The following F11R variants were observed in gnomAD, a reference collection of about 807,000 sequenced individuals.
F11R encodes F11 receptor, also known as junctional adhesion molecule A.
A neutral mutation model predicts 39.3 loss-of-function variants in F11R; 27 were observed. The ratio of observed to expected loss-of-function variants is 0.69; its 90% confidence interval spans 0.51 to 0.95. F11R has a LOEUF of 0.95. F11R is among the 40% of genes least tolerant of loss of function. F11R has a pLI of 0.00. For missense variants in F11R, 335 were observed against 372.7 expected, an observed-to-expected ratio of 0.90 and a Z score of 0.83; for synonymous variants, 131 against 144.9, an observed-to-expected ratio of 0.90 and a Z score of 0.69.
chr1:161,009,646 T>C (rs1649017413), intron 1 of F11R, among the ~76,000 whole-genome samples: 1 of 152,174 alleles, frequency 6.6e-6, no homozygotes, highest in East Asian at 1.9e-4. Flanking sequence ...CTACTTACAT[T>C]GTGACTGAGG....
chr1:161,007,453 G>C (rs1206888504), intron 1 of F11R, among the ~76,000 whole-genome samples: 1 of 150,530 alleles, frequency 6.6e-6, no homozygotes, highest in Admixed American at 6.6e-5. Flanking sequence ...CAACAAGGGA[G>C]AAACTCTGTC....
chr1:161,004,815 T>A (rs993704940), intron 1 of F11R, among the ~76,000 whole-genome samples: 2 of 152,152 alleles, frequency 1.3e-5, no homozygotes, highest in Admixed American at 6.5e-5. Flanking sequence ...TATTATTTTA[T>A]TTATATATTT....
Position 160,998,691 on chromosome 1 carries a change from G to C in F11R, c.*180C>G. On this transcript the variant is annotated 3_prime_UTR_variant, in exon 10 of 10. Coordinates refer to ENST00000368026, the MANE Select transcript of F11R (RefSeq NM_016946.6). ...CAGCAGTGGTAGGAAAGGGAGGGAG[G>C]GCATGAAGGAGGATGGGGCACATAG... 1.6e-6 allele frequency: 1 copy of C among 630,198 alleles called. No individual in the cohort carries two copies. Among genetic ancestry groups the C allele is most frequent in the South Asian group, 2.0e-5 (1 of 51,254 alleles). The allele number at this position is 630,198 out of a possible 1,614,324, so 39.0% of individuals were successfully genotyped here. A position where few individuals can be genotyped will look rare whatever the true frequency, so the allele number is the denominator to read the frequency against.
intron 1 of F11R, among the ~76,000 whole-genome samples, chr1:161,014,516 C>A (rs1443145057): frequency 6.6e-6 from 1 of 152,162 alleles, no homozygotes; most frequent in Non-Finnish European, 1.5e-5. Flanking sequence ...CCAGCCTGTA[C>A]AACAGATGAG....
chr1:161,013,271 G>A (rs560679770), intron 1 of F11R, among the ~76,000 whole-genome samples: 2 of 152,300 alleles, frequency 1.3e-5, no homozygotes, highest in Admixed American at 1.3e-4. Flanking sequence ...CCAGTTGCCA[G>A]GGAGCTGGAG....
intron 1 of F11R, among the ~76,000 whole-genome samples, chr1:161,015,323 G>T (rs542297023): frequency 2.7e-5 from 4 of 150,062 alleles, no homozygotes; most frequent in Non-Finnish European, 4.4e-5. Context: ...GCGTGAACCC[G>T]CGAGGCGGAG....
chr1:160,998,700 G>A lies in F11R; in HGVS notation c.*171C>T. ...TAGGAAAGGGAGGGAGGGCATGAAG[G>A]AGGATGGGGCACATAGCTGACATTA... On this transcript the variant is annotated 3_prime_UTR_variant, in exon 10 of 10. Transcript: ENST00000368026. 1 of 644,214 alleles carries A rather than the reference G, an allele frequency of 1.6e-6. No homozygotes were observed. The highest frequency in any genetic ancestry group is 2.8e-6 in the Non-Finnish European group (1 of 360,194). 39.9% of individuals were successfully genotyped at this position (644,214 alleles called of 1,614,324 possible).
chr1:160,995,352 CT>C lies in F11R; in HGVS notation c.*3518del, dbSNP rs1648056756. The C allele has an allele frequency of 6.6e-6, 1 of 152,324 alleles. No individual in the cohort carries two copies. Among genetic ancestry groups the C allele is most frequent in the Non-Finnish European group, 1.5e-5 (1 of 68,048 alleles). The allele number at this position is 152,324 out of a possible 1,614,324, so 9.4% of individuals were successfully genotyped here. ...CCGTTTTCCTCCACTATCCCCTCCC[CT>C]GTCCTTGATCTGTAGATCCTGTTAA... On this transcript the variant is annotated 3_prime_UTR_variant, in exon 10 of 10. Coordinates refer to ENST00000368026, the MANE Select transcript of F11R (RefSeq NM_016946.6).
chr1:161,007,640 A>G (rs1648901087), intron 1 of F11R, among the ~76,000 whole-genome samples: 3 of 152,222 alleles, frequency 2.0e-5, no homozygotes, highest in African/African-American at 7.2e-5. Context: ...GTACAAATAA[A>G]GTGCTTAGAG....
intron 1 of F11R, among the ~76,000 whole-genome samples, chr1:161,017,452 T>C (rs573989415): frequency 4.6e-5 from 7 of 152,366 alleles, no homozygotes; most frequent in Admixed American, 6.5e-5. Flanking sequence ...GGCAGCAATA[T>C]TGCTTTGTAA....
In F11R at chr1:161,000,292, C is replaced by T. The variant is rs772284113; in HGVS notation, c.445G>A (p.Ala149Thr). 29 of 1,614,018 alleles carry T rather than the reference C, an allele frequency of 1.8e-5. No homozygotes were observed. Among genetic ancestry groups the T allele is most frequent in the Non-Finnish European group, 2.4e-5 (28 of 1,180,032 alleles). ...TCTTGTTCTGAGCATGTCAGCACTGCCCGGTTCCCAATGGTGGCAGAGGAG... is the reference window on the plus strand; with the variant it reads ...TCTTGTTCTGAGCATGTCAGCACTGTCCGGTTCCCAATGGTGGCAGAGGAG... Reference protein sequence around the residue: ...IPSSATIGNRAVLTCSEQDGS... With the variant: ...IPSSATIGNRTVLTCSEQDGS... Residue 149 changes from alanine to threonine, a missense_variant, in exon 5 of 10, where the codon GCA (alanine) becomes ACA (threonine). Physicochemically the swap from Ala to Thr is moderately conservative, Grantham distance 58 (BLOSUM62 0). Coordinates refer to ENST00000368026, the MANE Select transcript of F11R (RefSeq NM_016946.6).
At chr1:161,004,542 G>A (rs555475788) in intron 1 of F11R, among the ~76,000 whole-genome samples, 71 of 143,238 alleles carry the variant, frequency 5.0e-4, no homozygotes, top group African/African-American at 1.1e-3. Context: ...GTGAGACTCC[G>A]TCTCAAAAAA....
intron 1 of F11R, among the ~76,000 whole-genome samples, chr1:161,010,973 TAAA>T (rs747869704): frequency 0.066 from 7,320 of 111,084 alleles, 456 homozygotes; most frequent in East Asian, 0.31. Flanking sequence ...GACTCCATCT[TAAA>T]AAAAAAAAAA....
chr1:161,015,255 C>T (rs936518671), intron 1 of F11R, among the ~76,000 whole-genome samples: 5 of 124,624 alleles, frequency 4.0e-5, no homozygotes, highest in South Asian at 5.2e-4. Context: ...AAAAATCAGC[C>T]GGAGTGGTGG....
In F11R at chr1:160,996,212, T is replaced by C. The variant is rs1375372908; in HGVS notation, c.*2659A>G. ...AACAAACTCAATGTGAAAATAAACA[T>C]TTATTATAAAAATTAGTTTTGACAT... On this transcript the variant is annotated 3_prime_UTR_variant, in exon 10 of 10. Transcript: ENST00000368026. 1 of 152,330 alleles carries C rather than the reference T, an allele frequency of 6.6e-6. No homozygotes were observed. Among genetic ancestry groups the C allele is most frequent in the Non-Finnish European group, 1.5e-5 (1 of 68,034 alleles). 9.4% of individuals were successfully genotyped at this position (152,330 alleles called of 1,614,324 possible).
At chr1:161,012,325 C>T (rs977737603) in intron 1 of F11R, among the ~76,000 whole-genome samples, 40 of 152,110 alleles carry the variant, frequency 2.6e-4, no homozygotes, top group Non-Finnish European at 4.6e-4. Context: ...ATTTTCTGGC[C>T]AGGTGCAGTG....
chr1:161,016,862 T>A lies in F11R; in HGVS notation c.64+4148A>T, dbSNP rs549245355. Among the ~76,000 whole-genome samples, 6 of 152,250 alleles carry A rather than the reference T, an allele frequency of 3.9e-5. No individual in the cohort carries two copies. The East Asian group carries it at 1.2e-3, about 29-fold the overall frequency. On this transcript the variant is annotated intron_variant, in intron 1 of 9. Transcript: ENST00000368026. ...TGGGGAAAAGCAAGAGAGATCAGAT[T>A]GTTACTGTGTCTGTGTAGAAAGAAG...
At chr1:161,013,501 T>G (rs902583767) in intron 1 of F11R, among the ~76,000 whole-genome samples, 1 of 152,170 alleles carries the variant, frequency 6.6e-6, no homozygotes, top group African/African-American at 2.4e-5. Flanking sequence ...CCACTCACCC[T>G]GTAGAGATTG....
intron 1 of F11R, among the ~76,000 whole-genome samples, chr1:161,019,455 C>T (rs772996467): frequency 1.3e-4 from 20 of 151,754 alleles, no homozygotes; most frequent in Non-Finnish European, 2.2e-4. Context: ...ATTAGCCGGG[C>T]GTGATGGTGC....
Sources: allele counts gnomAD v4.1 joint callset (sites outside exome capture counted in the v4.1 genomes callset), GRCh38; gene constraint gnomAD v4.1.1; transcripts MANE v1.5; gene names NCBI Gene and HGNC (gene_info 2026-07-23, HGNC 2026-07-21).